Variants in GSN observed in about 807,000 individuals in gnomAD.
GSN encodes actin-depolymerizing factor.
A neutral mutation model predicts 85.7 loss-of-function variants in GSN; 56 were observed. That is an observed-to-expected ratio of 0.65 (90% CI 0.53 to 0.82). The LOEUF is 0.82. GSN is among the 40% of genes least tolerant of loss of function. GSN has a pLI of 0.00. For synonymous variants in GSN, 373 were observed against 399.1 expected, an observed-to-expected ratio of 0.93 and a Z score of 0.78; for missense variants, 857 against 979.8, an observed-to-expected ratio of 0.87 and a Z score of 1.67.
chr9:121,244,454 A>T (rs1259575637), intron 5 of GSN, among the ~76,000 whole-genome samples: 1 of 152,220 alleles, frequency 6.6e-6, no homozygotes, highest in Non-Finnish European at 1.5e-5. Flanking sequence ...TTGCATTCCC[A>T]CTAGTAATGT....
intron 2 of GSN, among the ~76,000 whole-genome samples, chr9:121,290,689 C>T (rs2058600957): frequency 6.6e-6 from 1 of 152,120 alleles, no homozygotes; most frequent in Non-Finnish European, 1.5e-5. Flanking sequence ...GCAATTTTTG[C>T]CATTACTTTC....
chr9:121,290,747 C>T (rs1295723460), intron 2 of GSN, among the ~76,000 whole-genome samples: 2 of 152,234 alleles, frequency 1.3e-5, no homozygotes, highest in East Asian at 3.8e-4. Flanking sequence ...AAAATCTGCT[C>T]ATTTAGCATG....
intron 5 of GSN, among the ~76,000 whole-genome samples, chr9:121,233,128 C>T (rs1447066346): frequency 6.6e-6 from 1 of 152,138 alleles, no homozygotes; most frequent in Non-Finnish European, 1.5e-5. Context: ...ATAAGACTAA[C>T]AACCTCCTCT....
upstream of GSN, among the ~76,000 whole-genome samples, chr9:121,207,179 G>C (rs936534336): frequency 1.3e-5 from 2 of 152,206 alleles, no homozygotes; most frequent in Admixed American, 6.5e-5. Context: ...GTGCTGTTGA[G>C]AACTGAGATT....
chr9:121,204,659 G>C (rs2053854396), upstream of GSN, among the ~76,000 whole-genome samples: 1 of 152,182 alleles, frequency 6.6e-6, no homozygotes, highest in African/African-American at 2.4e-5. Context: ...TATAAGAAGA[G>C]ATGTATACAT....
chr9:121,260,500 A>G (rs1344818517), intron 6 of GSN, among the ~76,000 whole-genome samples: 1 of 152,240 alleles, frequency 6.6e-6, no homozygotes, highest in East Asian at 1.9e-4. Context: ...AGGCAATTGA[A>G]TGGATCTTAT....
chr9:121,236,583 C>G (rs2054498455), intron 5 of GSN, among the ~76,000 whole-genome samples: 1 of 152,116 alleles, frequency 6.6e-6, no homozygotes, highest in African/African-American at 2.4e-5. Flanking sequence ...CCCCCGTACC[C>G]TACACCCTAA....
intron 10 of GSN, among the ~76,000 whole-genome samples, chr9:121,319,081 C>T (rs1456161706): frequency 6.6e-6 from 1 of 152,228 alleles, no homozygotes; most frequent in African/African-American, 2.4e-5. Flanking sequence ...CACCTTGCCC[C>T]GAGGAGTGCC....
At chr9:121,276,134 GAATC>G (rs749494933) in intron 1 of GSN, among the ~76,000 whole-genome samples, 1 of 152,198 alleles carries the variant, frequency 6.6e-6, no homozygotes, top group Non-Finnish European at 1.5e-5. Context: ...AGCCCTGAAT[GAATC>G]CTTTTTGTAA....
chr9:121,268,436 C>A (rs2055388034), intron 1 of GSN, among the ~76,000 whole-genome samples: 1 of 152,118 alleles, frequency 6.6e-6, no homozygotes, highest in Non-Finnish European at 1.5e-5. Context: ...GACGCCGGAG[C>A]AGGAGAGGAG....
chr9:121,301,307 C>T (rs2059813216), intron 2 of GSN, among the ~76,000 whole-genome samples: 1 of 152,144 alleles, frequency 6.6e-6, no homozygotes, highest in African/African-American at 2.4e-5. Context: ...CTCTGTGCCT[C>T]GGTTATCACA....
chr9:121,318,974 G>T lies in GSN; in HGVS notation c.1191+94G>T, dbSNP rs2062049683. The T allele has an allele frequency of 6.8e-6, 7 of 1,030,936 alleles. No individual in the cohort carries two copies. The East Asian group carries it at 1.5e-4, about 22-fold the overall frequency. The allele number at this position is 1,030,936 out of a possible 1,614,324, so 63.9% of individuals were successfully genotyped here. A position where few individuals can be genotyped will look rare whatever the true frequency, so the allele number is the denominator to read the frequency against. ...TTCCCCAAGGAGGTTTCTCTCTGAG[G>T]TTTGCACAACTTTGGTAGCTGAGAT... On this transcript the variant is annotated intron_variant, in intron 10 of 17. Transcript: ENST00000432226. This position sits in a 1 kb window ranked among gnomAD's most constrained non-coding sequence, Gnocchi z 4.3.
rs755904287 is a variant in GSN at position 121,318,725 on chromosome 9, C to A, written c.1036C>A (p.Arg346=). The A allele has an allele frequency of 8.1e-6, 13 of 1,613,706 alleles. No homozygotes were observed. Among genetic ancestry groups the A allele is most frequent in the African/African-American group, 1.3e-5 (1 of 74,936 alleles). Residue 346 remains arginine, a synonymous_variant, in exon 10 of 18, where the codon CGG becomes AGG. Coordinates refer to ENST00000432226, the MANE Select transcript of GSN (RefSeq NM_198252.3). This position sits in a 1 kb window ranked among gnomAD's most constrained non-coding sequence, Gnocchi z 4.3. ...PLFKQFFKNW[R]DPDQTDGLGL... is the part of the protein sequence containing the mutation. ...GTTCAAGCAGTTCTTCAAGAACTGG[C>A]GGGACCCAGACCAGACAGATGGCCT...
intron 2 of GSN, among the ~76,000 whole-genome samples, chr9:121,296,059 C>T (rs549480156): frequency 3.3e-5 from 5 of 152,346 alleles, no homozygotes; most frequent in Non-Finnish European, 5.9e-5. Flanking sequence ...GGTGTCACCT[C>T]CTGCCCTGGC....
chr9:121,323,127 A>C (rs932426931), intron 11 of GSN, among the ~76,000 whole-genome samples: 2 of 152,056 alleles, frequency 1.3e-5, no homozygotes, highest in African/African-American at 4.8e-5. Flanking sequence ...CACCACGCCA[A>C]GCTGGATTCC....
intron 6 of GSN, among the ~76,000 whole-genome samples, chr9:121,251,833 C>T (rs2054843997): frequency 6.6e-6 from 1 of 152,036 alleles, no homozygotes; most frequent in South Asian, 2.1e-4. Context: ...TGGTGGCAGA[C>T]ACCTGTAATC....
intron 6 of GSN, among the ~76,000 whole-genome samples, chr9:121,251,686 C>T (rs538392903): frequency 4.1e-4 from 62 of 152,126 alleles, no homozygotes; most frequent in African/African-American, 1.4e-3. Context: ...TGGCCAGGCG[C>T]GATGGCTCAC....
At chr9:121,281,888 T>C (rs1248413125) in intron 2 of GSN, 3 of 471,212 alleles carry the variant, frequency 6.4e-6, no homozygotes, top group Admixed American at 2.3e-5. Context: ...TTGGTTGCTA[T>C]TCTGTAGAAG....
Position 121,329,435 on chromosome 9 carries a change from A to G in GSN, c.1965+120A>G. The G allele has an allele frequency of 1.4e-6, 1 of 734,846 alleles. No individual in the cohort carries two copies. The highest frequency in any genetic ancestry group is 2.5e-6 in the Non-Finnish European group (1 of 401,816). 45.5% of individuals were successfully genotyped at this position (734,846 alleles called of 1,614,324 possible). ...GGGCAGTGCCAGGTGTTGCCAGAAAAGTCTCTAAGGGTACTGGAAGTCACT... is the reference window on the plus strand; with the variant it reads ...GGGCAGTGCCAGGTGTTGCCAGAAAGGTCTCTAAGGGTACTGGAAGTCACT... On this transcript the variant is annotated intron_variant, in intron 16 of 17. Transcript: ENST00000432226. This position sits in a 1 kb window ranked among gnomAD's most constrained non-coding sequence, Gnocchi z 4.6.
Sources: gnomAD v4.1 joint callset for allele counts (sites outside exome capture counted in the v4.1 genomes callset) on GRCh38, gnomAD v4.1.1 for gene constraint, Gnocchi (gnomAD v3.1) non-coding constraint, MANE v1.5 for transcripts, NCBI Gene and HGNC (gene_info 2026-07-23, HGNC 2026-07-21) for gene names.